Variants in HSD17B7 observed in about 807,000 individuals in gnomAD.
The protein encoded by HSD17B7 is 3-keto-steroid reductase/17-beta-hydroxysteroid dehydrogenase 7.
In HSD17B7, 17 loss-of-function variants were observed where a neutral mutation model predicts 34.1. That is an observed-to-expected ratio of 0.50 (90% CI 0.34 to 0.75). HSD17B7 has a LOEUF of 0.75. Ranked by LOEUF, HSD17B7 falls within the 30% of genes least tolerant of loss-of-function variation. The probability of loss-of-function intolerance (pLI) is 0.01; values close to 1 mark genes in which losing one functional copy is unlikely to be tolerated. For missense variants in HSD17B7, 296 were observed against 406.6 expected (o/e 0.73, Z 2.34); for synonymous variants, 122 against 154.6 (o/e 0.79, Z 1.56).
At chr1:162,804,003 C>T (rs1648901410) in intron 6 of HSD17B7, among the ~76,000 whole-genome samples, 1 of 152,194 alleles carries the variant, frequency 6.6e-6, no homozygotes. Context: ...AAATGATTCT[C>T]TCTTTAGGGC....
Position 162,800,678 on chromosome 1 carries a change from G to A in HSD17B7, c.642+741G>A, listed in dbSNP as rs193148195. On this transcript the variant is annotated intron_variant, in intron 5 of 8. Transcript: ENST00000254521. ...TCTTACCTGGAAATCTCCAGTCTTC[G>A]CCTTGGACATTTTCTTTTGTTTGCT... Among the ~76,000 whole-genome samples, 485 of 152,224 alleles carry A rather than the reference G, an allele frequency of 3.2e-3. 6 individuals are homozygous for A. The highest frequency in any genetic ancestry group is 5.8e-3 in the Non-Finnish European group (393 of 68,010).
intron 3 of HSD17B7, chr1:162,797,500 T>G: frequency 3.9e-6 from 1 of 255,302 alleles, no homozygotes; most frequent in Admixed American, 4.9e-5. Flanking sequence ...AGTTTACCTG[T>G]AACCTGATTG....
Position 162,805,568 on chromosome 1 carries a change from T to C in HSD17B7, c.903+76T>C, listed in dbSNP as rs903314518. On this transcript the variant is annotated intron_variant, in intron 8 of 8. Transcript: ENST00000254521. ...TAAGCCTGTGTTCCTGACCAGCCCC[T>C]CAGCCCCCCAGCTTCGCTTCTCTGG... 14 of 1,565,308 alleles carry C rather than the reference T, an allele frequency of 8.9e-6. No homozygotes were observed. The East Asian group carries it at 2.1e-4, about 23-fold the overall frequency.
At chr1:162,812,253 C>T (rs762548930) in intron 8 of HSD17B7, 45 bp from the exon 9 acceptor site, 2 of 1,592,066 alleles carry the variant, frequency 1.3e-6, no homozygotes, top group Non-Finnish European at 8.5e-7. Flanking sequence ...TACTATTCAT[C>T]TTATTTTTCA....
At chr1:162,797,974 C>G (rs1648677607) in intron 4 of HSD17B7, 58 bp downstream of exon 4, 1 of 1,590,728 alleles carries the variant, frequency 6.3e-7, no homozygotes, top group Admixed American at 1.7e-5. Flanking sequence ...CTGTAAAGCT[C>G]TGGGCACAGG....
At chr1:162,794,765 T>C (rs979553182) in intron 2 of HSD17B7, among the ~76,000 whole-genome samples, 13 of 152,168 alleles carry the variant, frequency 8.5e-5, no homozygotes, top group Admixed American at 1.3e-4. Flanking sequence ...GTTAATAATA[T>C]CCCATTCCGA....
chr1:162,811,450 G>C (rs1649167911), intron 8 of HSD17B7, among the ~76,000 whole-genome samples: 1 of 152,086 alleles, frequency 6.6e-6, no homozygotes, highest in Admixed American at 6.5e-5. Context: ...CAAAGAGGCT[G>C]TTCTTGAAGT....
chr1:162,796,583 A>T lies in HSD17B7; in HGVS notation c.240-2A>T. ...CAATCTTGTTTGGTGGTTTACTTGC[A>T]GGTTTCAGAGATTAGACTGTATATA... On this transcript the variant is annotated splice_acceptor_variant, in intron 2 of 8. Coordinates refer to ENST00000254521, the MANE Select transcript of HSD17B7 (RefSeq NM_016371.4). LOFTEE classifies it high-confidence loss of function. 3 of 1,585,290 alleles carry T rather than the reference A, an allele frequency of 1.9e-6. No homozygotes were observed. The highest frequency in any genetic ancestry group is 2.6e-6 in the Non-Finnish European group (3 of 1,154,386).
In HSD17B7 at chr1:162,792,737, G is replaced by A; in HGVS notation, c.114G>A (p.Met38Ile). 1 of 1,614,202 alleles carries A rather than the reference G, an allele frequency of 6.2e-7. No homozygotes were observed. Among genetic ancestry groups the A allele is most frequent in the African/African-American group, 1.3e-5 (1 of 75,042 alleles). The change falls in exon 2 of 9, where the codon ATG becomes ATA. Residue 38 changes from methionine (M) to isoleucine (I), a missense_variant. Coordinates refer to ENST00000254521, the MANE Select transcript of HSD17B7 (RefSeq NM_016371.4). ...ELHLCLACRNMSKAEAVCAAL... is the reference protein window; with the variant it reads ...ELHLCLACRNISKAEAVCAAL... ...ATCTGTGTTTGGCGTGCAGGAACAT[G>A]AGCAAGGCAGAAGCTGTCTGTGCTG... is the stretch of plus-strand genomic sequence containing the variant.
chr1:162,800,323 TTTA>T, intron 5 of HSD17B7: 1 of 455,814 alleles, frequency 2.2e-6, no homozygotes, highest in East Asian at 6.9e-5. Flanking sequence ...ACTTAAGTCA[TTTA>T]CCTGATGGTC....
At position 162,799,774 on chromosome 1, in the gene HSD17B7, G is replaced by A; in HGVS notation, c.479G>A (p.Ser160Asn). 5 of 1,613,556 alleles carry A rather than the reference G, an allele frequency of 3.1e-6. No individual in the cohort carries two copies. The highest frequency in any genetic ancestry group is 1.1e-5 in the South Asian group (1 of 91,052). Residue 160 changes from serine (S) to asparagine (N), a missense_variant, in exon 5 of 9, where the codon AGT (serine) becomes AAT (asparagine). Coordinates refer to ENST00000254521, the MANE Select transcript of HSD17B7 (RefSeq NM_016371.4). ...IRELEPLLCHSDNPSQLIWTS... is the reference protein window; with the variant it reads ...IRELEPLLCHNDNPSQLIWTS... ...GAACTGGAGCCTCTCCTCTGTCACA[G>A]TGACAATCCATCTCAGCTCATCTGG... is the stretch of plus-strand genomic sequence containing the variant.
rs1648666599 is a variant in HSD17B7, at chr1:162,797,724, G to T, written c.333-78G>T. 12 of 1,549,690 alleles carry T rather than the reference G, an allele frequency of 7.7e-6. 1 individual carries two copies. The South Asian group carries it at 1.4e-4, about 18-fold the overall frequency. ...GGAGGTGTAGTTTATGGGTCGGGGG[G>T]ATGGGTTGGAAAGTGTTTTCAGTAT... On this transcript the variant is annotated intron_variant, in intron 3 of 8. Coordinates refer to ENST00000254521, the MANE Select transcript of HSD17B7 (RefSeq NM_016371.4).
At position 162,792,652 on chromosome 1, in the gene HSD17B7, C is replaced by T. The variant is rs1157805049; in HGVS notation, c.36-7C>T. 4 of 1,609,482 alleles carry T rather than the reference C, an allele frequency of 2.5e-6. No individual in the cohort carries two copies. The highest frequency in any genetic ancestry group is 3.4e-6 in the Non-Finnish European group (4 of 1,177,772). On this transcript the variant is annotated splice_region_variant and splice_polypyrimidine_tract_variant and intron_variant, in intron 1 of 8. Coordinates refer to ENST00000254521, the MANE Select transcript of HSD17B7 (RefSeq NM_016371.4). ...ACCCACATCTTGTGTCTGAATTGTC[C>T]TCCCAGTGGCATTGGCCTGGCCCTC...
At chr1:162,800,183 G>A (rs985111121) in intron 5 of HSD17B7, 5 of 644,664 alleles carry the variant, frequency 7.8e-6, no homozygotes, top group African/African-American at 5.4e-5. Flanking sequence ...AGTGATAATA[G>A]CTACTGTGTT....
At chr1:162,809,600 C>CT (rs1183586122) in intron 8 of HSD17B7, among the ~76,000 whole-genome samples, 2 of 151,858 alleles carry the variant, frequency 1.3e-5, no homozygotes, top group Admixed American at 6.6e-5. Flanking sequence ...TGGTCCTGGG[C>CT]TTTTTTTGGT....
At chr1:162,807,402 T>C (rs1316664896) in intron 8 of HSD17B7, among the ~76,000 whole-genome samples, 1 of 152,240 alleles carries the variant, frequency 6.6e-6, no homozygotes, top group Non-Finnish European at 1.5e-5. Flanking sequence ...ATTCCAAGTC[T>C]TTGCTACTGT....
intron 8 of HSD17B7, among the ~76,000 whole-genome samples, chr1:162,808,562 A>G (rs146739717): frequency 6.6e-6 from 1 of 152,146 alleles, no homozygotes; most frequent in Non-Finnish European, 1.5e-5. Flanking sequence ...CTTGGGTAGT[A>G]TGGCCATTTT....
At chr1:162,806,614 C>T (rs1201614378) in intron 8 of HSD17B7, among the ~76,000 whole-genome samples, 1 of 152,146 alleles carries the variant, frequency 6.6e-6, no homozygotes, top group Non-Finnish European at 1.5e-5. Context: ...CAGTACTTCA[C>T]CATGAATATT....
At chr1:162,792,976 T>G in intron 2 of HSD17B7, 114 bp downstream of exon 2, 1 of 1,011,760 alleles carries the variant, frequency 9.9e-7, no homozygotes, top group Non-Finnish European at 1.5e-6. Context: ...TAAGCAGTTA[T>G]GTTGAGGAAG....
Sources: allele counts gnomAD v4.1 joint callset (sites outside exome capture counted in the v4.1 genomes callset), GRCh38; gene constraint gnomAD v4.1.1; transcripts MANE v1.5; gene names NCBI Gene and HGNC (gene_info 2026-07-23, HGNC 2026-07-21).